Variants in TRIM66 observed in about 807,000 individuals in gnomAD.
TRIM66 encodes tripartite motif-containing protein 66.
In TRIM66, 99 loss-of-function variants were observed where a neutral mutation model predicts 148.2. That is an observed-to-expected ratio of 0.67 (90% CI 0.57 to 0.79). TRIM66 has a LOEUF of 0.79. Among genes scored for constraint, TRIM66 ranks in the 30% least tolerant of loss-of-function variants. TRIM66 has a pLI of 0.00. For missense variants in TRIM66, 1,666 were observed against 1,697.9 expected (o/e 0.98, Z 0.33); for synonymous variants, 616 against 635.9 (o/e 0.97, Z 0.47).
intron 4 of TRIM66, among the ~76,000 whole-genome samples, chr11:8,674,172 T>C (rs1025889181): frequency 2.0e-5 from 3 of 152,232 alleles, no homozygotes; most frequent in African/African-American, 7.2e-5. Flanking sequence ...TGTTTACTCA[T>C]TGAAGACCCC....
Position 8,640,816 on chromosome 11 carries a change from C to A in TRIM66, c.1559G>T (p.Cys520Phe), listed in dbSNP as rs770485121. 6.4e-7 allele frequency: 1 copy of A among 1,550,724 alleles called. No homozygotes were observed. Among genetic ancestry groups the A allele is most frequent in the South Asian group, 1.2e-5 (1 of 84,020 alleles). Residue 520 changes from cysteine to phenylalanine, a missense_variant, in exon 14 of 25, where the codon TGC becomes TTC. Coordinates refer to ENST00000646038, the MANE Select transcript of TRIM66 (RefSeq NM_001388022.1). ...CAGCAGCTTTGGTGGATGAGGGCTGCAGGCCAGCTCTTTCTCCCTGGGCAG... is the reference window on the plus strand; with the variant it reads ...CAGCAGCTTTGGTGGATGAGGGCTGAAGGCCAGCTCTTTCTCCCTGGGCAG... ...ALLPREKELA[C>F]SPHPPKLLQP...
intron 6 of TRIM66, among the ~76,000 whole-genome samples, chr11:8,670,054 C>A (rs2038847029): frequency 6.6e-6 from 1 of 150,720 alleles, no homozygotes; most frequent in Non-Finnish European, 1.5e-5. Context: ...ACTCTGTCAC[C>A]CAGGCTGGCA....
At chr11:8,636,480 A>C (rs554072921) in intron 15 of TRIM66, among the ~76,000 whole-genome samples, 4 of 152,258 alleles carry the variant, frequency 2.6e-5, no homozygotes, top group African/African-American at 9.6e-5. Flanking sequence ...GCAATAATTC[A>C]AAACTTAACT....
intron 12 of TRIM66, among the ~76,000 whole-genome samples, chr11:8,643,854 T>G (rs894599059): frequency 6.6e-6 from 1 of 152,134 alleles, no homozygotes; most frequent in Non-Finnish European, 1.5e-5. Flanking sequence ...CTCCCAACAC[T>G]TTCATCTATT....
intron 15 of TRIM66, among the ~76,000 whole-genome samples, chr11:8,630,122 G>A (rs2035252915): frequency 6.6e-6 from 1 of 152,322 alleles, no homozygotes; most frequent in Non-Finnish European, 1.5e-5. Context: ...TACAAGATGG[G>A]TGGGGGCAAG....
chr11:8,671,696 ATTCT>A, intron 6 of TRIM66, 86 bp downstream of exon 6: 1 of 666,046 alleles, frequency 1.5e-6, no homozygotes, highest in Non-Finnish European at 2.6e-6. Flanking sequence ...TTAAATTCTG[ATTCT>A]TTCTACACCC....
In TRIM66 at chr11:8,645,831, A is replaced by C. The variant is rs2036796851; in HGVS notation, c.1014T>G (p.Val338=). ...GCACATGCTCAAACTGACGGTTGAG[A>C]ACCATGATGCTCTGTAACTGCTGTT... ...KLEQQLQSIM[V]LNRQFEHVQN... Residue 338 remains valine (V), a synonymous_variant, in exon 12 of 25, where the codon GTT becomes GTG. Transcript: ENST00000646038. 6.4e-7 allele frequency: 1 copy of C among 1,551,740 alleles called. No homozygotes were observed. Among genetic ancestry groups the C allele is most frequent in the African/African-American group, 1.4e-5 (1 of 73,180 alleles).
At chr11:8,659,243 C>A (rs780064580) in intron 6 of TRIM66, among the ~76,000 whole-genome samples, 3 of 152,026 alleles carry the variant, frequency 2.0e-5, no homozygotes, top group Non-Finnish European at 4.4e-5. Flanking sequence ...GACCTTCATC[C>A]TAAAATAAAA....
chr11:8,640,340 G>C lies in TRIM66; in HGVS notation c.2035C>G (p.Leu679Val). The change falls in exon 14 of 25, where the codon CTG (leucine) becomes GTG (valine). Residue 679 changes from leucine to valine, a missense_variant. Around this residue, in one of 3 missense-constraint regions of TRIM66, gnomAD observed 1,431 missense variants for 1,412.4 expected, o/e 1.01. Transcript: ENST00000646038. ...LLQAQQPSLQ[L>V]SQTKSPQHLQ... ...TGCTGAGGAGATTTGGTCTGACTCA[G>C]TTGCAGGCTGGGCTGTTGAGCCTGG... 1 of 1,551,814 alleles carries C rather than the reference G, an allele frequency of 6.4e-7. No homozygotes were observed.
intron 6 of TRIM66, among the ~76,000 whole-genome samples, chr11:8,657,409 A>G (rs1330191687): frequency 6.6e-6 from 1 of 152,202 alleles, no homozygotes; most frequent in Non-Finnish European, 1.5e-5. Context: ...AAAGCTGGAC[A>G]GAGCTTCACT....
intron 10 of TRIM66, among the ~76,000 whole-genome samples, chr11:8,647,712 A>G (rs1425939125): frequency 6.6e-6 from 1 of 152,172 alleles, no homozygotes; most frequent in Admixed American, 6.5e-5. Flanking sequence ...TGGCTAGTTC[A>G]TAAGGCATAT....
chr11:8,629,598 C>T (rs2035200824), intron 15 of TRIM66, among the ~76,000 whole-genome samples: 1 of 152,136 alleles, frequency 6.6e-6, no homozygotes, highest in South Asian at 2.1e-4. Flanking sequence ...TTACCTATTG[C>T]ACATGTGAGT....
At chr11:8,640,197 A>T in intron 14 of TRIM66, 30 bp downstream of exon 14, 1 of 1,541,264 alleles carries the variant, frequency 6.5e-7, no homozygotes, top group Non-Finnish European at 8.8e-7. Context: ...GATGGGCAGA[A>T]TATGCACGCC....
chr11:8,673,673 C>A (rs1471109133), intron 4 of TRIM66, among the ~76,000 whole-genome samples: 3 of 152,208 alleles, frequency 2.0e-5, no homozygotes, highest in Non-Finnish European at 4.4e-5. Context: ...AAAAACATCA[C>A]ATACATGTGA....
At chr11:8,681,048 G>A (rs1208006444) in intron 1 of TRIM66, 1 of 152,194 alleles carries the variant, frequency 6.6e-6, no homozygotes, top group East Asian at 1.9e-4. Flanking sequence ...GTGAACAATG[G>A]ATGGGAAGGT....
intron 6 of TRIM66, among the ~76,000 whole-genome samples, chr11:8,666,341 GAAA>G (rs558326812): frequency 4.2e-4 from 10 of 23,538 alleles, no homozygotes; most frequent in African/African-American, 9.4e-4. Flanking sequence ...CTCCGCCTCA[GAAA>G]AAAAAAAAAA....
chr11:8,662,513 G>A (rs1272754821), intron 6 of TRIM66, among the ~76,000 whole-genome samples: 1 of 152,176 alleles, frequency 6.6e-6, no homozygotes, highest in Non-Finnish European at 1.5e-5. Context: ...TCGGGCTATG[G>A]TAGTTATTTG....
chr11:8,624,273 G>C (rs2034592286), intron 17 of TRIM66, 86 bp downstream of exon 17: 10 of 1,422,290 alleles, frequency 7.0e-6, no homozygotes, highest in South Asian at 1.3e-5. Context: ...CTTAGAGCTT[G>C]TCTGCTGGCC....
chr11:8,666,561 T>C (rs1242248341), intron 6 of TRIM66, among the ~76,000 whole-genome samples: 4 of 152,062 alleles, frequency 2.6e-5, no homozygotes, highest in Non-Finnish European at 5.9e-5. Context: ...GAAGGCTTTA[T>C]GTATATGTCC....
Sources: allele counts gnomAD v4.1 joint callset (sites outside exome capture counted in the v4.1 genomes callset), GRCh38; gene constraint gnomAD v4.1.1; regional missense constraint gnomAD v4.1.1; transcripts MANE v1.5; gene names NCBI Gene and HGNC (gene_info 2026-07-23, HGNC 2026-07-21).